TPR: variants seen among roughly 807,000 people sequenced by gnomAD.
The protein encoded by TPR is translocated promoter region, nuclear basket protein, also known as nucleoprotein TPR.
In TPR, 51 loss-of-function variants were observed where a neutral mutation model predicts 316.1. The ratio of observed to expected loss-of-function variants is 0.16; its 90% CI spans 0.13 to 0.20. The LOEUF (loss-of-function observed/expected upper bound fraction) is 0.20, where lower values mean the gene tolerates loss of function less well. TPR is among the 10% of genes least tolerant of loss of function. TPR has a pLI of 1.00. For missense variants in TPR, 2,272 were observed against 2,754.8 expected (o/e 0.82, Z 3.92); for synonymous variants, 981 against 914.7 (o/e 1.07, Z -1.31).
chr1:186,337,208 C>T (rs367899204), intron 31 of TPR, 52 bp from the exon 32 acceptor site: 1 of 1,534,560 alleles, frequency 6.5e-7, no homozygotes, highest in Admixed American at 1.9e-5. Flanking sequence ...TCAGTAATTC[C>T]ATTTCTGCAA....
In TPR at chr1:186,357,567, A is replaced by C; in HGVS notation, c.1554T>G (p.Asp518Glu). The C allele has an allele frequency of 6.2e-7, 1 of 1,614,114 alleles. No individual in the cohort carries two copies. Among genetic ancestry groups the C allele is most frequent in the Non-Finnish European group, 8.5e-7 (1 of 1,180,016 alleles). Residue 518 changes from aspartate to glutamate, a missense_variant, in exon 14 of 51, where the codon GAT (aspartate) becomes GAG (glutamate). Physicochemically the swap from Asp to Glu is conservative, Grantham distance 45. Around this residue, in one of 10 missense-constraint regions of TPR, gnomAD observed 549 missense variants for 598.6 expected, o/e 0.92. Transcript: ENST00000367478. ...TTATATCAGCAGAGCTTACTTCCTC[A>C]TCACGAATTACGTGGTTACCCCTTG... ...EEARGNHVIRDEEVSSADISS... is the reference protein window; with the variant it reads ...EEARGNHVIREEEVSSADISS...
At chr1:186,352,164 T>C (rs899887559) in intron 18 of TPR, 54 bp from the exon 19 acceptor site, 14 of 1,488,628 alleles carry the variant, frequency 9.4e-6, no homozygotes, top group Non-Finnish European at 1.3e-5. Context: ...GTGTCAAGTG[T>C]ATTAAGATTA....
At chr1:186,330,413 C>T (rs562882406) in intron 39 of TPR, among the ~76,000 whole-genome samples, 1 of 152,200 alleles carries the variant, frequency 6.6e-6, no homozygotes, top group East Asian at 1.9e-4. Context: ...CTTAAAGAGG[C>T]TGCGCACAAA....
chr1:186,336,106 T>A (rs1658331562), intron 33 of TPR, among the ~76,000 whole-genome samples: 1 of 151,908 alleles, frequency 6.6e-6, no homozygotes, highest in Non-Finnish European at 1.5e-5. Flanking sequence ...GCTAGAGGGG[T>A]CCTCCACCAA....
intron 39 of TPR, 76 bp from the exon 40 acceptor site, chr1:186,327,736 T>C (rs1658044912): frequency 6.2e-6 from 8 of 1,283,988 alleles, no homozygotes; most frequent in East Asian, 2.4e-5. Context: ...GGTATTATTA[T>C]AGGTCAAAGT....
rs949504123 is a variant in TPR, at chr1:186,311,837, C to T, written c.*2134G>A. On this transcript the variant is annotated 3_prime_UTR_variant, in exon 51 of 51. Transcript: ENST00000367478. The stretch of plus-strand genomic sequence containing the variant: ...TCACTGATAGAATGTCATTTACTTT[C>T]GCTTCACAAATGTGCATGTCATCCT... The T allele has an allele frequency of 1.6e-4, 91 of 577,982 alleles. No homozygotes were observed. The highest frequency in any genetic ancestry group is 2.3e-4 in the Non-Finnish European group (77 of 330,200). 35.8% of individuals were successfully genotyped at this position (577,982 alleles called of 1,614,324 possible).
intron 40 of TPR, among the ~76,000 whole-genome samples, chr1:186,327,184 A>T (rs1443489198): frequency 5.4e-5 from 1 of 18,444 alleles, no homozygotes; most frequent in Non-Finnish European, 9.8e-5. Flanking sequence ...TATATATATA[A>T]ATATATATTA....
At chr1:186,323,544 A>C in intron 43 of TPR, 142 bp downstream of exon 43, 8 of 730,424 alleles carry the variant, frequency 1.1e-5, no homozygotes, top group Non-Finnish European at 1.4e-5. Context: ...AGAATTTTAT[A>C]AAAATATGCC....
At chr1:186,370,825 A>T in intron 3 of TPR, 145 bp downstream of exon 3, 1 of 596,102 alleles carries the variant, frequency 1.7e-6, no homozygotes, top group Non-Finnish European at 2.9e-6. Context: ...TAAGGAATTT[A>T]TATTTACATA....
chr1:186,332,474 C>T (rs749074723), intron 37 of TPR, 131 bp from the exon 38 acceptor site: 88 of 964,494 alleles, frequency 9.1e-5, no homozygotes, highest in Admixed American at 6.2e-5. Context: ...TACTAAAATA[C>T]AATCAATCAA....
At chr1:186,365,894 A>G (rs1387527098) in intron 4 of TPR, among the ~76,000 whole-genome samples, 1 of 152,228 alleles carries the variant, frequency 6.6e-6, no homozygotes, top group Non-Finnish European at 1.5e-5. Flanking sequence ...ATAAATTAAC[A>G]GAAGATGACT....
In TPR at chr1:186,318,596, T is replaced by A; in HGVS notation, c.6672A>T (p.Val2224=). ...TPLQVAAPVT[V]FTESTTSDAS... is the part of the protein sequence containing the mutation. ...CATCAGAGGTGGTGCTCTCAGTAAA[T>A]ACAGTCACTTTAAAAAGACAACACA... is the stretch of plus-strand genomic sequence containing the variant. Residue 2224 remains valine (V), a synonymous_variant, in exon 48 of 51, where the codon GTA becomes GTT. Transcript: ENST00000367478. 6.2e-7 allele frequency: 1 copy of A among 1,607,804 alleles called. No homozygotes were observed. Among genetic ancestry groups the A allele is most frequent in the Non-Finnish European group, 8.5e-7 (1 of 1,178,428 alleles).
chr1:186,323,780 G>A lies in TPR; in HGVS notation c.6203C>T (p.Pro2068Leu), dbSNP rs781399734. 9.1e-6 allele frequency: 14 copies of A among 1,543,834 alleles called. No individual in the cohort carries two copies. The highest frequency in any genetic ancestry group is 1.2e-5 in the Non-Finnish European group (14 of 1,155,098). ...QPSSASERQA[P>L]RAPQSPRRPP... ...GCGTCTCGGTGACTGAGGTGCTCGA[G>A]GGGCCTGTCTTTCAGATGCTGATGA... Residue 2068 changes from proline to leucine, a missense_variant, in exon 43 of 51, where the codon CCT (proline) becomes CTT (leucine). Physicochemically the swap from Pro to Leu is moderately conservative, Grantham distance 98 (BLOSUM62 -3). Transcript: ENST00000367478.
chr1:186,326,362 T>G (rs1227390529), intron 40 of TPR, 127 bp from the exon 41 acceptor site: 4 of 1,408,808 alleles, frequency 2.8e-6, no homozygotes, highest in Non-Finnish European at 2.8e-6. Flanking sequence ...TCCTGAGAGT[T>G]GTATGGGATT....
intron 35 of TPR, 83 bp from the exon 36 acceptor site, chr1:186,334,616 AT>A: frequency 2.1e-6 from 3 of 1,397,574 alleles, no homozygotes; most frequent in South Asian, 1.4e-5. Context: ...ATAGGTCTCC[AT>A]TTTTTTGTTC....
At position 186,313,743 on chromosome 1, in the gene TPR, C is replaced by A; in HGVS notation, c.*228G>T. The A allele has an allele frequency of 1.9e-6, 3 of 1,609,150 alleles. No individual in the cohort carries two copies. The highest frequency in any genetic ancestry group is 2.6e-6 in the Non-Finnish European group (3 of 1,175,672). The stretch of plus-strand genomic sequence containing the variant: ...AAGAGCAATTACTACTCGTTCTGGG[C>A]AGACCTTATCCAAAGTCTGGTACAA... On this transcript the variant is annotated 3_prime_UTR_variant, in exon 51 of 51. Transcript: ENST00000367478.
At chr1:186,365,187 C>T (rs1322540232) in intron 4 of TPR, among the ~76,000 whole-genome samples, 1 of 150,662 alleles carries the variant, frequency 6.6e-6, no homozygotes, top group Non-Finnish European at 1.5e-5. Context: ...CCTCTGCCTC[C>T]CTGGTTCATG....
chr1:186,324,901 C>A (rs931395957), intron 42 of TPR, among the ~76,000 whole-genome samples: 1 of 152,114 alleles, frequency 6.6e-6, no homozygotes, highest in African/African-American at 2.4e-5. Flanking sequence ...AAAAATGTTT[C>A]TTAACCTACA....
intron 17 of TPR, 135 bp downstream of exon 17, chr1:186,355,275 T>C: frequency 1.1e-6 from 1 of 901,690 alleles, no homozygotes; most frequent in Non-Finnish European, 1.7e-6. Context: ...AAAAATGAAC[T>C]ACCAGAGGTT....
Sources: allele counts gnomAD v4.1 joint callset (sites outside exome capture counted in the v4.1 genomes callset), GRCh38; gene constraint gnomAD v4.1.1; regional missense constraint gnomAD v4.1.1; transcripts MANE v1.5; gene names NCBI Gene and HGNC (gene_info 2026-07-23, HGNC 2026-07-21).